SLC25A41: variants seen among roughly 807,000 people sequenced by gnomAD.
SLC25A41 encodes the protein mitochondrial carrier protein SCaMC-3L.
Under a neutral mutation model 34.7 loss-of-function variants are expected in SLC25A41, and 35 were observed. The observed-to-expected ratio is 1.01, with a 90% confidence interval of 0.77 to 1.34. The LOEUF (loss-of-function observed/expected upper bound fraction) is 1.34. Among genes scored for constraint, SLC25A41 ranks in the 40% most tolerant of loss-of-function variants. The pLI is 0.00. For synonymous variants in SLC25A41, 190 were observed against 209.9 expected, an observed-to-expected ratio of 0.91 and a Z score of 0.82; for missense variants, 492 against 489.8, an observed-to-expected ratio of 1.00 and a Z score of -0.04.
rs887750288 is a variant in SLC25A41, at chr19:6,426,600, T to C, written c.941-39A>G. ...GGCAAGATCAGGACTAGGCCAGAGATGACCGGGCCTCCTAGGAGTCTGGAA... is the reference window on the plus strand; with the variant it reads ...GGCAAGATCAGGACTAGGCCAGAGACGACCGGGCCTCCTAGGAGTCTGGAA... On this transcript the variant is annotated intron_variant, in intron 6 of 6. Transcript: ENST00000321510. 15 of 1,595,396 alleles carry C rather than the reference T, an allele frequency of 9.4e-6. No individual in the cohort carries two copies. The African/African-American group carries it at 2.0e-4, about 21-fold the overall frequency.
chr19:6,435,258 A>C (rs1386782050), upstream of SLC25A41, among the ~76,000 whole-genome samples: 1 of 150,162 alleles, frequency 6.7e-6, no homozygotes, highest in Non-Finnish European at 1.5e-5. Flanking sequence ...AAAAGAATTA[A>C]GGTTGCTAAA....
At chr19:6,432,270 C>T (rs1599259892) in intron 1 of SLC25A41, 66 bp from the exon 2 acceptor site, 2 of 1,538,644 alleles carry the variant, frequency 1.3e-6, no homozygotes, top group Non-Finnish European at 8.8e-7. Flanking sequence ...AGACACACAT[C>T]TAGGGCACCC....
At chr19:6,432,329 T>C (rs2092289136) in intron 1 of SLC25A41, 125 bp from the exon 2 acceptor site, 5 of 1,049,804 alleles carry the variant, frequency 4.8e-6, no homozygotes, top group East Asian at 2.7e-5. Flanking sequence ...TTTTTTTTTT[T>C]CGAGACGGAG....
At chr19:6,434,937 G>T (rs2092301986), upstream of SLC25A41, among the ~76,000 whole-genome samples, 1 of 151,254 alleles carries the variant, frequency 6.6e-6, no homozygotes, top group East Asian at 1.9e-4. Context: ...ACAAAACTTT[G>T]CTAGGCTGGG....
intron 1 of SLC25A41, 133 bp from the exon 2 acceptor site, chr19:6,432,337 G>T: frequency 1.0e-6 from 1 of 978,094 alleles, no homozygotes; most frequent in Non-Finnish European, 1.5e-6. Flanking sequence ...TTTCGAGACG[G>T]AGTCTTGCTC....
chr19:6,427,218 C>T lies in SLC25A41; in HGVS notation c.825G>A (p.Arg275=). The part of the protein sequence containing the change: ...MLQCFWVKSG[R]DMGDPSGLVS... ...CCAGGCCACTGGGGTCCCCCATATC[C>T]CTGCCTGACTTCACCCAGAAGCACT... The change falls in exon 6 of 7, where the codon AGG becomes AGA. Residue 275 remains arginine, a synonymous_variant. Transcript: ENST00000321510. This position sits in a 1 kb window ranked among gnomAD's most constrained non-coding sequence, Gnocchi z 4.9. The T allele has an allele frequency of 6.2e-7, 1 of 1,612,706 alleles. No homozygotes were observed. The highest frequency in any genetic ancestry group is 8.5e-7 in the Non-Finnish European group (1 of 1,179,810).
chr19:6,432,473 AT>A (rs34519561), intron 1 of SLC25A41, among the ~76,000 whole-genome samples: 2,117 of 80,944 alleles, frequency 0.026, 29 homozygotes, highest in African/African-American at 0.032. Context: ...ACAACACCTA[AT>A]TTTTTTTTTT....
chr19:6,426,881 T>A (rs1157036039), intron 6 of SLC25A41, among the ~76,000 whole-genome samples: 1 of 152,164 alleles, frequency 6.6e-6, no homozygotes, highest in East Asian at 1.9e-4. Flanking sequence ...CAAGGGATCC[T>A]CCAGCCTCAG....
Position 6,426,311 on chromosome 19 carries a change from T to C in SLC25A41, c.*78A>G. 8.1e-7 allele frequency: 1 copy of C among 1,239,166 alleles called. No homozygotes were observed. Among genetic ancestry groups the C allele is most frequent in the East Asian group, 4.3e-5 (1 of 22,994 alleles). The allele number at this position is 1,239,166 out of a possible 1,614,324, so 76.8% of individuals were successfully genotyped here. On this transcript the variant is annotated 3_prime_UTR_variant, in exon 7 of 7. Transcript: ENST00000321510. ...GCCCCAGGGCCTGAACCTTGAGGCC[T>C]CGAGGGCTCTTTGGGGCCAGGGGTC...
At position 6,429,780 on chromosome 19, in the gene SLC25A41, G is replaced by C. The variant is rs752708380; in HGVS notation, c.568C>G (p.Leu190Val). The change falls in exon 4 of 7, where the codon CTC becomes GTC. Residue 190 changes from leucine (L) to valine (V), a missense_variant. Coordinates refer to ENST00000321510, the MANE Select transcript of SLC25A41 (RefSeq NM_173637.4). ...GCCACAGCCAGGGAGCCAGCAAGGAGACGCTCCTGGAAGGGCGGGGACCCT... is the reference window on the plus strand; with the variant it reads ...GCCACAGCCAGGGAGCCAGCAAGGACACGCTCCTGGAAGGGCGGGGACCCT... ...IQGSPPFQERLLAGSLAVAIS... is the reference protein window; with the variant it reads ...IQGSPPFQERVLAGSLAVAIS... 4 of 1,610,636 alleles carry C rather than the reference G, an allele frequency of 2.5e-6. No homozygotes were observed. Among genetic ancestry groups the C allele is most frequent in the Non-Finnish European group, 3.4e-6 (4 of 1,178,658 alleles).
rs188717104 is a variant in SLC25A41 at position 6,433,127 on chromosome 19, C to T, written c.207+360G>A. On this transcript the variant is annotated intron_variant, in intron 1 of 6. Coordinates refer to ENST00000321510, the MANE Select transcript of SLC25A41 (RefSeq NM_173637.4). ...GCAGTGATGAGATCTGGGCTCACTG[C>T]AACCTCTACCTCCTGAGTTCAAGCG... Among the ~76,000 whole-genome samples, 21 of 152,224 alleles carry T rather than the reference C, an allele frequency of 1.4e-4. No homozygotes were observed. In the East Asian group the frequency reaches 2.1e-3, roughly 15 times the overall value.
rs1351845806 is a variant in SLC25A41, at chr19:6,429,026, TATATATATATATA to T, written c.624+685_624+697del. Among the ~76,000 whole-genome samples, 4 of 33,098 alleles carry T rather than the reference TATATATATATATA, an allele frequency of 1.2e-4. 1 individual carries two copies. Among genetic ancestry groups the T allele is most frequent in the African/African-American group, 6.3e-4 (3 of 4,756 alleles). The allele number at this position is 33,098 out of a possible 152,430, so 21.7% of individuals were successfully genotyped here. On this transcript the variant is annotated intron_variant, in intron 4 of 6. Transcript: ENST00000321510. The stretch of plus-strand genomic sequence containing the variant: ...CCAAGGTGTCTGGCCTGAAAATTTA[TATATATATATATA>T]ATATATATATTATATATATGTTATA...
upstream of SLC25A41, among the ~76,000 whole-genome samples, chr19:6,435,530 G>A (rs1258605145): frequency 6.6e-6 from 1 of 152,116 alleles, no homozygotes; most frequent in Non-Finnish European, 1.5e-5. Flanking sequence ...AGACCAGCCT[G>A]GCCAACATGA....
Position 6,431,156 on chromosome 19 carries a change from T to G in SLC25A41, c.363+893A>C, listed in dbSNP as rs996339662. On this transcript the variant is annotated intron_variant, in intron 2 of 6. Transcript: ENST00000321510. ...AATTAATTAATTAATTAATTATTATTTTGTAGAGATGTGGTCTGACTATAT... is the reference window on the plus strand; with the variant it reads ...AATTAATTAATTAATTAATTATTATGTTGTAGAGATGTGGTCTGACTATAT... Among the ~76,000 whole-genome samples the G allele has an allele frequency of 2.6e-5, 4 of 151,968 alleles. No individual in the cohort carries two copies. The East Asian group carries it at 7.7e-4, about 29-fold the overall frequency.
intron 2 of SLC25A41, among the ~76,000 whole-genome samples, chr19:6,431,406 G>T (rs2145146753): frequency 6.6e-6 from 1 of 151,094 alleles, no homozygotes; most frequent in Admixed American, 6.6e-5. Flanking sequence ...GAGATATCCT[G>T]CTTGAGGTAG....
rs367582414 is a variant in SLC25A41, at chr19:6,426,470, G to T, written c.1032C>A (p.Thr344=). ...QGWLGLYRGM[T]PTLLKVLPAG... is the part of the protein sequence containing the mutation. ...CTGGTAAGACCTTCAGTAGCGTGGG[G>T]GTCATGCCTCGGTACAGCCCTAGCC... Residue 344 remains threonine, a synonymous_variant, in exon 7 of 7, where the codon ACC becomes ACA. Transcript: ENST00000321510. 1.9e-5 allele frequency: 30 copies of T among 1,613,672 alleles called. No individual in the cohort carries two copies. Among genetic ancestry groups the T allele is most frequent in the Middle Eastern group, 1.6e-4 (1 of 6,082 alleles).
Position 6,429,815 on chromosome 19 carries a change from C to T in SLC25A41, c.533G>A (p.Cys178Tyr), listed in dbSNP as rs773539451. 97 of 1,610,456 alleles carry T rather than the reference C, an allele frequency of 6.0e-5. No homozygotes were observed. Among genetic ancestry groups the T allele is most frequent in the Admixed American group, 1.0e-4 (6 of 58,856 alleles). ...GAAGGGCGGGGACCCTTGTATTCCA[C>T]AGAAGTAATTCTTGCACTGGGAGAG... ...SVFEQCKNYF[C>Y]GIQGSPPFQE... The change falls in exon 4 of 7, where the codon TGT becomes TAT. Residue 178 changes from cysteine to tyrosine, a missense_variant. Coordinates refer to ENST00000321510, the MANE Select transcript of SLC25A41 (RefSeq NM_173637.4).
intron 4 of SLC25A41, among the ~76,000 whole-genome samples, chr19:6,429,093 TG>T (rs2092261755): frequency 2.7e-5 from 1 of 36,614 alleles, no homozygotes; most frequent in Admixed American, 6.3e-4. Context: ...ATTATATATA[TG>T]TTACATATAT....
upstream of SLC25A41, chr19:6,436,220 G>A (rs1391101279): frequency 2.1e-5 from 6 of 280,498 alleles, no homozygotes; most frequent in South Asian, 1.0e-4. Flanking sequence ...CCGCTGAGCC[G>A]GCTGTTCCCG....
Sources: allele counts gnomAD v4.1 joint callset (sites outside exome capture counted in the v4.1 genomes callset), GRCh38; gene constraint gnomAD v4.1.1; non-coding constraint Gnocchi (gnomAD v3.1); transcripts MANE v1.5; gene names NCBI Gene and HGNC (gene_info 2026-07-23, HGNC 2026-07-21).